KAZN: variants seen among roughly 807,000 people sequenced by gnomAD.
KAZN encodes the protein kazrin, periplakin interacting protein.
A neutral mutation model predicts 87.4 loss-of-function variants in KAZN; 40 were observed. The observed-to-expected ratio is 0.46, with a 90% confidence interval of 0.36 to 0.60. The LOEUF is 0.60. Ranked by LOEUF, KAZN falls within the 20% of genes least tolerant of loss-of-function variation. The pLI, the probability that KAZN is intolerant of heterozygous loss-of-function variation, is 0.00. For synonymous variants in KAZN, 466 were observed against 458.3 expected (o/e 1.02, Z -0.22); for missense variants, 898 against 1,073.9 (o/e 0.84, Z 2.29).
intron 1 of KAZN, among the ~76,000 whole-genome samples, chr1:14,152,837 T>A (rs895884095): frequency 3.3e-5 from 5 of 152,224 alleles, no homozygotes; most frequent in African/African-American, 1.2e-4. Flanking sequence ...TTTCTTCATA[T>A]CCTTGCCAGC....
At chr1:14,179,940 A>G (rs776873164) in intron 1 of KAZN, among the ~76,000 whole-genome samples, 1 of 152,234 alleles carries the variant, frequency 6.6e-6, no homozygotes, top group Non-Finnish European at 1.5e-5. Flanking sequence ...TGTGGCACTG[A>G]TTGGAAAACA....
chr1:14,666,730 T>C (rs935899493), intron 1 of KAZN, among the ~76,000 whole-genome samples: 2 of 151,948 alleles, frequency 1.3e-5, no homozygotes, highest in African/African-American at 2.4e-5. Flanking sequence ...TGCCTCTGAG[T>C]CCTCTCCTCT....
chr1:14,416,754 T>C (rs1394643006), intron 2 of KAZN, among the ~76,000 whole-genome samples: 1 of 151,274 alleles, frequency 6.6e-6, no homozygotes, highest in Non-Finnish European at 1.5e-5. Flanking sequence ...AAAAAATAAT[T>C]GCTTAAAATT....
At chr1:14,096,383 G>A (rs186226166) in intron 1 of KAZN, among the ~76,000 whole-genome samples, 389 of 152,236 alleles carry the variant, frequency 2.6e-3, no homozygotes, top group Non-Finnish European at 4.5e-3. Flanking sequence ...AGCACCTCCC[G>A]GGGGCTTAAG....
At chr1:14,720,070 A>G (rs1173299724) in intron 1 of KAZN, among the ~76,000 whole-genome samples, 1 of 152,142 alleles carries the variant, frequency 6.6e-6, no homozygotes, top group Non-Finnish European at 1.5e-5. Flanking sequence ...CAGGGGATTT[A>G]AGGGACACGT....
chr1:14,580,550 G>A (rs974190219), intron 2 of KAZN, among the ~76,000 whole-genome samples: 13 of 152,202 alleles, frequency 8.5e-5, no homozygotes, highest in Admixed American at 4.6e-4. Flanking sequence ...GTGTAATGAC[G>A]AATGTGTGGC....
chr1:14,892,385 CCT>C (rs1654809306), intron 1 of KAZN, among the ~76,000 whole-genome samples: 1 of 151,606 alleles, frequency 6.6e-6, no homozygotes, highest in Non-Finnish European at 1.5e-5. Context: ...TCTCTTTTTC[CCT>C]CTCTCTCTCC....
At chr1:14,370,615 T>C (rs947661152) in intron 2 of KAZN, among the ~76,000 whole-genome samples, 2 of 151,542 alleles carry the variant, frequency 1.3e-5, no homozygotes, top group African/African-American at 4.8e-5. Context: ...TCCACCTACC[T>C]ATTGGGCTGA....
At chr1:14,886,473 CAG>C (rs374177096) in intron 1 of KAZN, among the ~76,000 whole-genome samples, 2 of 149,848 alleles carry the variant, frequency 1.3e-5, no homozygotes, top group African/African-American at 4.9e-5. Flanking sequence ...CAGAGAGAGA[CAG>C]AGAGAGAGAG....
rs563095602 is a variant in KAZN, at chr1:15,097,743, A to G, written c.1547+2810A>G. Among the ~76,000 whole-genome samples, 125 of 152,292 alleles carry G rather than the reference A, an allele frequency of 8.2e-4. 1 individual carries two copies. The highest frequency in any genetic ancestry group is 3.0e-3 in the African/African-American group (123 of 41,564). On this transcript the variant is annotated intron_variant, in intron 10 of 14. Transcript: ENST00000376030. The stretch of plus-strand genomic sequence containing the variant: ...TGAGGCAGGAGAATTTTTTGAACCC[A>G]GGAGGCGGAGGTTGCAGTGAGCCGA...
intron 8 of KAZN, among the ~76,000 whole-genome samples, chr1:15,085,575 G>A (rs867035546): frequency 2.0e-5 from 3 of 152,138 alleles, no homozygotes; most frequent in African/African-American, 4.8e-5. Context: ...CAAGCCTCCC[G>A]CCTTAGCCTC....
At chr1:14,908,177 C>G (rs780743713) in intron 1 of KAZN, among the ~76,000 whole-genome samples, 8 of 152,108 alleles carry the variant, frequency 5.3e-5, no homozygotes, top group Non-Finnish European at 7.4e-5. Flanking sequence ...GCAGGAGGAT[C>G]GCTTGAGGCC....
chr1:15,040,244 T>G (rs1205985608), intron 3 of KAZN, among the ~76,000 whole-genome samples: 1 of 150,090 alleles, frequency 6.7e-6, no homozygotes, highest in Admixed American at 6.8e-5. Flanking sequence ...GCATTTTATG[T>G]GCATGATAAA....
At chr1:14,418,402 G>A (rs1665015617) in intron 2 of KAZN, among the ~76,000 whole-genome samples, 1 of 152,200 alleles carries the variant, frequency 6.6e-6, no homozygotes, top group African/African-American at 2.4e-5. Context: ...TGGCACATAG[G>A]AAGCACTCAG....
chr1:14,587,375 G>A (rs953828734), intron 2 of KAZN, among the ~76,000 whole-genome samples: 1 of 151,250 alleles, frequency 6.6e-6, no homozygotes, highest in East Asian at 1.9e-4. Flanking sequence ...GGCAGAGGTT[G>A]CAGTGAGCCG....
chr1:14,963,775 C>T (rs1235434674), intron 2 of KAZN, among the ~76,000 whole-genome samples: 3 of 151,868 alleles, frequency 2.0e-5, no homozygotes, highest in African/African-American at 7.3e-5. Flanking sequence ...TGCTGTCCCT[C>T]CCCTTGCCCC....
At chr1:14,384,660 T>A (rs1661700172) in intron 2 of KAZN, among the ~76,000 whole-genome samples, 1 of 152,130 alleles carries the variant, frequency 6.6e-6, no homozygotes, top group Non-Finnish European at 1.5e-5. Context: ...ATCCCAGGGA[T>A]GAAGCCCACT....
chr1:14,847,297 C>G (rs1335122556), intron 1 of KAZN, among the ~76,000 whole-genome samples: 1 of 152,168 alleles, frequency 6.6e-6, no homozygotes, highest in Non-Finnish European at 1.5e-5. Context: ...AGGGTGGCCA[C>G]AAGCTCAGGG....
chr1:14,544,965 G>C (rs191629384), intron 2 of KAZN, among the ~76,000 whole-genome samples: 24 of 152,220 alleles, frequency 1.6e-4, no homozygotes, highest in African/African-American at 5.8e-4. Context: ...CCACCACACA[G>C]AGCACATTCT....
Sources: allele counts gnomAD v4.1 joint callset (sites outside exome capture counted in the v4.1 genomes callset), GRCh38; gene constraint gnomAD v4.1.1; transcripts MANE v1.5; gene names NCBI Gene and HGNC (gene_info 2026-07-23, HGNC 2026-07-21).